Variants in GREB1L observed in about 807,000 individuals in gnomAD.
The protein encoded by GREB1L is GREB1-like protein.
A neutral mutation model predicts 200.8 loss-of-function variants in GREB1L; 17 were observed. That is an observed-to-expected ratio of 0.08 (90% confidence interval 0.06 to 0.13). The LOEUF (loss-of-function observed/expected upper bound fraction) is 0.13. Ranked by LOEUF, GREB1L falls within the 10% of genes least tolerant of loss-of-function variation. The pLI, the probability that GREB1L is intolerant of heterozygous loss-of-function variation, is 1.00. For synonymous variants in GREB1L, 789 were observed against 893.0 expected (o/e 0.88, Z 2.08); for missense variants, 1,657 against 2,367.7 (o/e 0.70, Z 6.23).
At chr18:21,496,272 G>A (rs1161165397) in intron 20 of GREB1L, among the ~76,000 whole-genome samples, 182 bp from the exon 21 acceptor site, 4 of 152,142 alleles carry the variant, frequency 2.6e-5, no homozygotes, top group Admixed American at 2.0e-4. Context: ...AGAAAATGAA[G>A]CACAAAGAAG....
At chr18:21,350,089 G>A (rs1384733414) in intron 1 of GREB1L, among the ~76,000 whole-genome samples, 1 of 151,974 alleles carries the variant, frequency 6.6e-6, no homozygotes. Context: ...ACATTCACAG[G>A]TCTGTCTGCA....
intron 1 of GREB1L, among the ~76,000 whole-genome samples, chr18:21,264,675 C>A (rs73959824): frequency 1.2e-4 from 18 of 147,464 alleles, no homozygotes; most frequent in African/African-American, 3.0e-4. Flanking sequence ...CCCTCCCCCC[C>A]TCCTGGTCAC....
chr18:21,388,732 G>T, intron 4 of GREB1L, among the ~76,000 whole-genome samples: 1 of 151,718 alleles, frequency 6.6e-6, no homozygotes, highest in Admixed American at 6.6e-5. Flanking sequence ...TTTTAGTAGA[G>T]ATGGGGTTTC....
At chr18:21,458,821 ATTATT>A (rs1214294837) in intron 15 of GREB1L, among the ~76,000 whole-genome samples, 7 of 152,300 alleles carry the variant, frequency 4.6e-5, no homozygotes, top group South Asian at 2.1e-4. Context: ...ACTATAGGAA[ATTATT>A]TTATTTTAGT....
chr18:21,327,217 A>AG (rs1395605149), intron 1 of GREB1L, among the ~76,000 whole-genome samples: 5 of 152,222 alleles, frequency 3.3e-5, no homozygotes, highest in Non-Finnish European at 7.3e-5. Context: ...AAAGGCCCTC[A>AG]GGCATGTCAT....
intron 1 of GREB1L, among the ~76,000 whole-genome samples, chr18:21,321,629 G>A (rs2038952873): frequency 6.6e-6 from 1 of 152,088 alleles, no homozygotes; most frequent in Admixed American, 6.5e-5. Flanking sequence ...AGAGTTTGCA[G>A]TGAGCTGAGA....
intron 27 of GREB1L, among the ~76,000 whole-genome samples, chr18:21,510,435 C>G (rs1172273195): frequency 6.6e-6 from 1 of 152,190 alleles, no homozygotes; most frequent in Admixed American, 6.5e-5. Context: ...TGGAATGATA[C>G]AGTATTTGTC....
chr18:21,302,826 A>G (rs2038639891), intron 1 of GREB1L, among the ~76,000 whole-genome samples: 1 of 152,020 alleles, frequency 6.6e-6, no homozygotes. Context: ...GGTTCAAGCA[A>G]TTCTCCTGCC....
At chr18:21,252,998 G>A (rs1174049032) in intron 1 of GREB1L, among the ~76,000 whole-genome samples, 1 of 152,202 alleles carries the variant, frequency 6.6e-6, no homozygotes, top group Non-Finnish European at 1.5e-5. Context: ...TGAGAACAGA[G>A]CTTAGAAAAT....
At chr18:21,492,843 T>C (rs1423253244) in intron 19 of GREB1L, among the ~76,000 whole-genome samples, 2 of 152,148 alleles carry the variant, frequency 1.3e-5, no homozygotes, top group East Asian at 3.9e-4. Context: ...CCCAGCTACT[T>C]GGGAGCCTGA....
Position 21,525,012 on chromosome 18 carries a change from G to GTGTGTATATATATATATATA in GREB1L, c.*2192_*2193insGTGTATATATATATATATAT, listed in dbSNP as rs55641891. On this transcript the variant is annotated 3_prime_UTR_variant, in exon 33 of 33. Coordinates refer to ENST00000424526, the MANE Select transcript of GREB1L (RefSeq NM_001142966.3). Reference sequence around the variant, plus strand: ...AAGCACAGGACACCATGATTTGTGTGTATATATATATATATCCTAGTGTGT... The same window carrying GTGTGTATATATATATATATA: ...AAGCACAGGACACCATGATTTGTGTGTGTGTATATATATATATATATATATATATATATATCCTAGTGTGT... 643 of 145,160 alleles carry GTGTGTATATATATATATATA rather than the reference G, an allele frequency of 4.4e-3. 10 individuals carry two copies. The highest frequency in any genetic ancestry group is 0.015 in the African/African-American group (603 of 40,198). The allele number at this position is 145,160 out of a possible 1,614,324, so 9.0% of individuals were successfully genotyped here. A position where few individuals can be genotyped will look rare whatever the true frequency, so the allele number is the denominator to read the frequency against.
chr18:21,331,570 G>A (rs1327361227), intron 1 of GREB1L, among the ~76,000 whole-genome samples: 1 of 152,124 alleles, frequency 6.6e-6, no homozygotes, highest in Non-Finnish European at 1.5e-5. Flanking sequence ...GGAGACCCCT[G>A]GATTACATCC....
intron 1 of GREB1L, among the ~76,000 whole-genome samples, chr18:21,305,431 A>G (rs2038684422): frequency 6.6e-6 from 1 of 152,092 alleles, no homozygotes; most frequent in Non-Finnish European, 1.5e-5. Context: ...CCTTTCAGTT[A>G]TTGACAATAT....
intron 7 of GREB1L, among the ~76,000 whole-genome samples, chr18:21,406,321 C>G (rs1037203121): frequency 6.6e-6 from 1 of 152,174 alleles, no homozygotes; most frequent in Non-Finnish European, 1.5e-5. Flanking sequence ...CACTGACTGA[C>G]TCACCGTGAA....
intron 1 of GREB1L, among the ~76,000 whole-genome samples, chr18:21,257,186 T>A (rs2037813809): frequency 1.3e-5 from 2 of 152,094 alleles, no homozygotes; most frequent in African/African-American, 2.4e-5. Flanking sequence ...CAGGATGGTC[T>A]CGATCTCAAC....
intron 1 of GREB1L, among the ~76,000 whole-genome samples, chr18:21,266,101 C>T (rs2037963266): frequency 6.6e-6 from 1 of 152,266 alleles, no homozygotes; most frequent in East Asian, 1.9e-4. Context: ...TCATCTCTAC[C>T]TATTAAATCC....
Position 21,407,844 on chromosome 18 carries a change from C to T in GREB1L, c.832+3850C>T, listed in dbSNP as rs114978242. On this transcript the variant is annotated intron_variant, in intron 7 of 32. Transcript: ENST00000424526. ...CATGGATGGAACCAGAGGTCATTCT[C>T]ATAAATAAAATAAGCCAGGCACAGA... Among the ~76,000 whole-genome samples, 1,145 of 152,172 alleles carry T rather than the reference C, an allele frequency of 7.5e-3. 12 individuals carry two copies. The highest frequency in any genetic ancestry group is 0.025 in the African/African-American group (1,039 of 41,520).
chr18:21,288,660 G>T (rs1264814119), intron 1 of GREB1L, among the ~76,000 whole-genome samples: 2 of 151,950 alleles, frequency 1.3e-5, no homozygotes, highest in Non-Finnish European at 2.9e-5. Flanking sequence ...AATTCTGGGG[G>T]TATGTGGGAA....
intron 1 of GREB1L, among the ~76,000 whole-genome samples, chr18:21,300,248 T>A (rs1462278539): frequency 6.6e-6 from 1 of 152,204 alleles, no homozygotes; most frequent in Non-Finnish European, 1.5e-5. Flanking sequence ...TGGTTCATGA[T>A]AAATGGCTGA....
Sources: allele counts gnomAD v4.1 joint callset (sites outside exome capture counted in the v4.1 genomes callset), GRCh38; gene constraint gnomAD v4.1.1; transcripts MANE v1.5; gene names NCBI Gene and HGNC (gene_info 2026-07-23, HGNC 2026-07-21).